Variants in BICC1 observed in about 807,000 individuals in gnomAD.
The protein encoded by BICC1 is protein bicaudal C homolog 1.
In BICC1, 43 loss-of-function variants were observed where a neutral mutation model predicts 111.0. That is an observed-to-expected ratio of 0.39 (90% CI 0.30 to 0.50). The LOEUF is 0.50. Ranked by LOEUF, BICC1 falls within the 20% of genes least tolerant of loss-of-function variation. The pLI, the probability that BICC1 is intolerant of heterozygous loss-of-function variation, is 0.88. For missense variants in BICC1, 1,091 were observed against 1,203.2 expected (o/e 0.91, Z 1.38); for synonymous variants, 467 against 434.4 (o/e 1.07, Z -0.93).
chr10:58,541,896 T>C (rs573554314), intron 1 of BICC1, among the ~76,000 whole-genome samples: 2 of 152,134 alleles, frequency 1.3e-5, no homozygotes, highest in Admixed American at 1.3e-4. Context: ...ACACCTGTAA[T>C]CGCAGCACTT....
intron 3 of BICC1, among the ~76,000 whole-genome samples, chr10:58,771,876 A>G (rs1842630361): frequency 6.6e-6 from 1 of 152,212 alleles, no homozygotes; most frequent in Non-Finnish European, 1.5e-5. Context: ...TTTTAAGGAA[A>G]TGATTTTTTA....
intron 20 of BICC1, chr10:58,823,854 C>T (rs915865102): frequency 2.6e-5 from 26 of 985,040 alleles, no homozygotes; most frequent in Non-Finnish European, 3.1e-5. Flanking sequence ...TAAATATATT[C>T]AATTCTGTCT....
At chr10:58,514,912 T>C (rs926368937) in intron 1 of BICC1, among the ~76,000 whole-genome samples, 1 of 152,218 alleles carries the variant, frequency 6.6e-6, no homozygotes, top group Non-Finnish European at 1.5e-5. Context: ...GAACTGATAG[T>C]AGCACATACT....
intron 3 of BICC1, among the ~76,000 whole-genome samples, chr10:58,769,284 A>G (rs1842545097): frequency 8.6e-5 from 1 of 11,658 alleles, no homozygotes; most frequent in African/African-American, 1.6e-4. Context: ...AATGTTCTCA[A>G]CACACACACA....
At chr10:58,758,947 T>G (rs1161738896) in intron 3 of BICC1, among the ~76,000 whole-genome samples, 1 of 149,342 alleles carries the variant, frequency 6.7e-6, no homozygotes, top group Non-Finnish European at 1.5e-5. Flanking sequence ...ATTTATTTAT[T>G]TATTTATTTA....
intron 3 of BICC1, among the ~76,000 whole-genome samples, chr10:58,735,973 A>ATT (rs1198115902): frequency 6.6e-6 from 1 of 152,080 alleles, no homozygotes; most frequent in African/African-American, 2.4e-5. Flanking sequence ...CTTGAGCCCC[A>ATT]TTTCCCTTTC....
chr10:58,636,100 C>G (rs940671096), intron 2 of BICC1, among the ~76,000 whole-genome samples: 1 of 152,138 alleles, frequency 6.6e-6, no homozygotes, highest in East Asian at 1.9e-4. Flanking sequence ...ACACATTGTT[C>G]TGTGTATTTG....
intron 1 of BICC1, among the ~76,000 whole-genome samples, chr10:58,604,150 A>G (rs1323092775): frequency 6.6e-6 from 1 of 152,070 alleles, no homozygotes; most frequent in Non-Finnish European, 1.5e-5. Context: ...TTTTTGCCAC[A>G]TGGATGGTTC....
chr10:58,803,269 C>T, intron 15 of BICC1, 27 bp downstream of exon 15: 1 of 1,551,532 alleles, frequency 6.4e-7, no homozygotes, highest in Non-Finnish European at 8.7e-7. Flanking sequence ...AGGAAAGCCA[C>T]TCAAATGTCA....
At chr10:58,676,743 C>T in intron 2 of BICC1, among the ~76,000 whole-genome samples, 1 of 152,230 alleles carries the variant, frequency 6.6e-6, no homozygotes, top group East Asian at 1.9e-4. Flanking sequence ...CCCCCCGTGC[C>T]TCCTGACTGG....
At position 58,660,271 on chromosome 10, in the gene BICC1, A is replaced by G. The variant is rs80103375; in HGVS notation, c.237+39370A>G. Reference sequence around the variant, plus strand: ...TGTCTTCTCCCCGACAACACAGGCAATTAACAAGGCCACCTTCCCTTGTTT... The same window carrying G: ...TGTCTTCTCCCCGACAACACAGGCAGTTAACAAGGCCACCTTCCCTTGTTT... On this transcript the variant is annotated intron_variant, in intron 2 of 20. Coordinates refer to ENST00000373886, the MANE Select transcript of BICC1 (RefSeq NM_001080512.3). 6.1e-3 allele frequency among the ~76,000 whole-genome samples: 924 copies of G among 152,260 alleles called. 18 individuals carry two copies. The highest frequency in any genetic ancestry group is 0.021 in the African/African-American group (871 of 41,550).
intron 1 of BICC1, among the ~76,000 whole-genome samples, chr10:58,605,697 A>G (rs868747024): frequency 4.6e-5 from 7 of 152,200 alleles, no homozygotes; most frequent in Admixed American, 4.6e-4. Flanking sequence ...AATAGTTGTT[A>G]TACTGTATTG....
chr10:58,669,363 A>T (rs73294133), intron 2 of BICC1, among the ~76,000 whole-genome samples: 2,423 of 152,212 alleles, frequency 0.016, 75 homozygotes, highest in African/African-American at 0.056. Context: ...GTTGAGAATG[A>T]TGAGAGTCTA....
intron 3 of BICC1, among the ~76,000 whole-genome samples, chr10:58,749,240 A>T (rs1051695607): frequency 3.9e-5 from 6 of 152,102 alleles, no homozygotes; most frequent in Non-Finnish European, 8.8e-5. Flanking sequence ...AATTGATCTA[A>T]ACTTAGAGAA....
chr10:58,718,792 G>T (rs1022026710), intron 3 of BICC1, among the ~76,000 whole-genome samples: 1 of 147,136 alleles, frequency 6.8e-6, no homozygotes. Flanking sequence ...GCGTGCGCAC[G>T]CCCGCGTGCT....
At chr10:58,739,937 T>A (rs1189977528) in intron 3 of BICC1, among the ~76,000 whole-genome samples, 1 of 152,218 alleles carries the variant, frequency 6.6e-6, no homozygotes, top group Non-Finnish European at 1.5e-5. Flanking sequence ...AGAGAAGTCA[T>A]CTAATCTGTT....
intron 18 of BICC1, 87 bp from the exon 19 acceptor site, chr10:58,817,475 G>T: frequency 7.0e-7 from 1 of 1,435,184 alleles, no homozygotes; most frequent in South Asian, 1.2e-5. Context: ...AATGGAAGTT[G>T]AAATATTTAG....
At chr10:58,685,709 C>A (rs1412096419) in intron 2 of BICC1, among the ~76,000 whole-genome samples, 1 of 151,874 alleles carries the variant, frequency 6.6e-6, no homozygotes, top group South Asian at 2.1e-4. Context: ...TTTTGTTTTC[C>A]ATTTGCTTGG....
intron 1 of BICC1, among the ~76,000 whole-genome samples, chr10:58,548,219 C>G (rs1009006316): frequency 5.3e-5 from 8 of 152,218 alleles, no homozygotes; most frequent in African/African-American, 1.9e-4. Context: ...ACTGAGAGAT[C>G]TGGCTCCCAA....
Sources: allele counts gnomAD v4.1 joint callset (sites outside exome capture counted in the v4.1 genomes callset), GRCh38; gene constraint gnomAD v4.1.1; transcripts MANE v1.5; gene names NCBI Gene and HGNC (gene_info 2026-07-23, HGNC 2026-07-21).